Variants in SEMA5A observed in about 807,000 individuals in gnomAD.
SEMA5A encodes the protein semaphorin-5A.
In SEMA5A, 55 loss-of-function variants were observed where a neutral mutation model predicts 135.5. The observed-to-expected ratio is 0.41, with a 90% CI of 0.33 to 0.51. The LOEUF (loss-of-function observed/expected upper bound fraction) is 0.51, where lower values mean the gene tolerates loss of function less well. Ranked by LOEUF, SEMA5A falls within the 20% of genes least tolerant of loss-of-function variation. The pLI is 0.37. For synonymous variants in SEMA5A, 580 were observed against 546.5 expected, an observed-to-expected ratio of 1.06 and a Z score of -0.85; for missense variants, 1,290 against 1,419.9, an observed-to-expected ratio of 0.91 and a Z score of 1.47.
chr5:9,066,224 T>C (rs921232625), intron 17 of SEMA5A, among the ~76,000 whole-genome samples, 197 bp downstream of exon 17: 9 of 152,216 alleles, frequency 5.9e-5, no homozygotes, highest in African/African-American at 2.2e-4. Flanking sequence ...CACTTCAATA[T>C]CTAACTTCTT....
At chr5:9,384,543 GATAGATAGATAGATAGATAGATAGATAC>G (rs1579450394) in intron 2 of SEMA5A, among the ~76,000 whole-genome samples, 19 of 112,154 alleles carry the variant, frequency 1.7e-4, no homozygotes, top group East Asian at 1.0e-3. Flanking sequence ...TAGATAGATA[GATAGATAGATAGATAGATAGATAGATAC>G]ATAGATAGAT....
At chr5:9,270,536 G>A (rs1055650464) in intron 5 of SEMA5A, among the ~76,000 whole-genome samples, 8 of 152,110 alleles carry the variant, frequency 5.3e-5, no homozygotes, top group Middle Eastern at 3.2e-3. Context: ...GGCCAGAAAA[G>A]GAAGTATGAA....
chr5:9,192,921 T>C (rs1307041510), intron 10 of SEMA5A, among the ~76,000 whole-genome samples: 2 of 151,554 alleles, frequency 1.3e-5, no homozygotes, highest in African/African-American at 4.9e-5. Context: ...CAAATAAGAA[T>C]CTCTTGCTGT....
intron 2 of SEMA5A, among the ~76,000 whole-genome samples, chr5:9,428,340 C>T (rs1002918986): frequency 3.9e-5 from 6 of 152,006 alleles, no homozygotes; most frequent in Admixed American, 6.6e-5. Flanking sequence ...TGCTGTGCTG[C>T]GCTATTTTTA....
intron 12 of SEMA5A, among the ~76,000 whole-genome samples, chr5:9,146,515 A>C (rs1453375119): frequency 6.6e-6 from 1 of 152,238 alleles, no homozygotes; most frequent in East Asian, 1.9e-4. Context: ...TATGATACAG[A>C]TATAGCTTTA....
intron 1 of SEMA5A, among the ~76,000 whole-genome samples, chr5:9,464,626 C>T (rs1182851480): frequency 6.6e-6 from 1 of 152,174 alleles, no homozygotes; most frequent in Non-Finnish European, 1.5e-5. Flanking sequence ...ATTTGAAATT[C>T]CAAAGCCCCC....
intron 3 of SEMA5A, among the ~76,000 whole-genome samples, chr5:9,347,138 A>G (rs899103551): frequency 2.0e-5 from 3 of 152,206 alleles, no homozygotes; most frequent in African/African-American, 4.8e-5. Context: ...GGAAGCATAA[A>G]GCATCTTTCA....
At chr5:9,129,464 G>A (rs1432976505) in intron 13 of SEMA5A, among the ~76,000 whole-genome samples, 1 of 152,240 alleles carries the variant, frequency 6.6e-6, no homozygotes, top group Non-Finnish European at 1.5e-5. Flanking sequence ...GGTTCTCTGT[G>A]TTGCATTTAA....
At chr5:9,365,511 T>C (rs1754878154) in intron 3 of SEMA5A, among the ~76,000 whole-genome samples, 1 of 152,116 alleles carries the variant, frequency 6.6e-6, no homozygotes, top group Admixed American at 6.5e-5. Flanking sequence ...TTTAAAATAT[T>C]GCATTAGTAT....
chr5:9,105,068 T>A (rs1031600070), intron 16 of SEMA5A, among the ~76,000 whole-genome samples: 1 of 152,194 alleles, frequency 6.6e-6, no homozygotes, highest in Non-Finnish European at 1.5e-5. Flanking sequence ...TGAATGCATC[T>A]CAAGTTCACA....
chr5:9,102,130 G>C (rs1372936218), intron 16 of SEMA5A, among the ~76,000 whole-genome samples: 1 of 152,090 alleles, frequency 6.6e-6, no homozygotes, highest in African/African-American at 2.4e-5. Context: ...TGAATACAAA[G>C]GGAACTAACG....
intron 1 of SEMA5A, among the ~76,000 whole-genome samples, chr5:9,510,143 T>G (rs1285520453): frequency 6.6e-6 from 1 of 152,188 alleles, no homozygotes; most frequent in Non-Finnish European, 1.5e-5. Flanking sequence ...CCATGCCATT[T>G]TAACTCCCGT....
chr5:9,437,899 G>A (rs1219482268), intron 1 of SEMA5A, 47 bp from the exon 2 acceptor site: 2 of 152,236 alleles, frequency 1.3e-5, no homozygotes, highest in Non-Finnish European at 2.9e-5. Flanking sequence ...TTTTAAAAGA[G>A]GATGTGGTCA....
chr5:9,326,411 C>T (rs1490369722), intron 4 of SEMA5A, among the ~76,000 whole-genome samples: 2 of 152,130 alleles, frequency 1.3e-5, no homozygotes, highest in East Asian at 2.0e-4. Context: ...CCACCATGCC[C>T]AGCTAATTTT....
chr5:9,345,799 T>G (rs75561735), intron 3 of SEMA5A, among the ~76,000 whole-genome samples: 9,324 of 152,262 alleles, frequency 0.061, 322 homozygotes, highest in South Asian at 0.073. Flanking sequence ...TGTATATAAG[T>G]ATATACACAA....
At chr5:9,310,641 A>G (rs1012058557) in intron 5 of SEMA5A, among the ~76,000 whole-genome samples, 1 of 151,776 alleles carries the variant, frequency 6.6e-6, no homozygotes, top group Non-Finnish European at 1.5e-5. Flanking sequence ...AACAGAGGGT[A>G]GTTATATTAT....
intron 13 of SEMA5A, among the ~76,000 whole-genome samples, chr5:9,135,285 A>G (rs542192155): frequency 1.4e-5 from 2 of 146,574 alleles, no homozygotes; most frequent in African/African-American, 5.1e-5. Flanking sequence ...AGTTCACGCC[A>G]TTCTCCTGCC....
chr5:9,130,606 G>A (rs541322785), intron 13 of SEMA5A, among the ~76,000 whole-genome samples: 1 of 152,260 alleles, frequency 6.6e-6, no homozygotes, highest in South Asian at 2.1e-4. Context: ...CATCCCTGGG[G>A]ATCACAGTGA....
chr5:9,308,369 G>C (rs180809256), intron 5 of SEMA5A, among the ~76,000 whole-genome samples: 54 of 152,144 alleles, frequency 3.5e-4, no homozygotes, highest in Non-Finnish European at 6.3e-4. Flanking sequence ...GTTATAAATC[G>C]CCACAGCCCT....
Sources: allele counts gnomAD v4.1 joint callset (sites outside exome capture counted in the v4.1 genomes callset), GRCh38; gene constraint gnomAD v4.1.1; transcripts MANE v1.5; gene names NCBI Gene and HGNC (gene_info 2026-07-23, HGNC 2026-07-21).